Variants in GRM5 observed in about 807,000 individuals in gnomAD.
GRM5 encodes the protein metabotropic glutamate receptor 5.
GRM5 carries 19 observed loss-of-function variants against 83.1 expected under a neutral mutation model. The ratio of observed to expected loss-of-function variants is 0.23; its 90% CI spans 0.16 to 0.34. The LOEUF is 0.34. GRM5 is among the 10% of genes least tolerant of loss of function. The pLI is 1.00. For missense variants in GRM5, 1,160 were observed against 1,588.3 expected (o/e 0.73, Z 4.58); for synonymous variants, 675 against 633.6 (o/e 1.07, Z -0.98).
At chr11:88,808,965 C>T (rs747036660) in intron 3 of GRM5, among the ~76,000 whole-genome samples, 1 of 151,980 alleles carries the variant, frequency 6.6e-6, no homozygotes, top group Non-Finnish European at 1.5e-5. Flanking sequence ...CCTTGTATAT[C>T]CATGGGGAAG....
intron 2 of GRM5, among the ~76,000 whole-genome samples, chr11:89,015,016 T>C (rs1456111542): frequency 6.6e-6 from 1 of 152,154 alleles, no homozygotes; most frequent in Non-Finnish European, 1.5e-5. Flanking sequence ...AGCTTGCTGC[T>C]TACATAAATC....
intron 4 of GRM5, among the ~76,000 whole-genome samples, chr11:88,638,293 C>T (rs1464169132): frequency 2.6e-5 from 4 of 151,552 alleles, no homozygotes; most frequent in Non-Finnish European, 5.9e-5. Context: ...TACCCTAAAA[C>T]TTGAAGTATA....
intron 9 of GRM5, among the ~76,000 whole-genome samples, chr11:88,524,214 C>CTTTCTTTTT (rs1555060035): frequency 3.0e-5 from 3 of 101,410 alleles, no homozygotes; most frequent in African/African-American, 1.4e-4. Flanking sequence ...TTCTTTCTTT[C>CTTTCTTTTT]TTTTTTTTTT....
Position 88,509,149 on chromosome 11 carries a change from G to T in GRM5, c.3082C>A (p.Arg1028Ser), listed in dbSNP as rs760970912. ...TCCGTGCGGCTGGCCGAGCCCGCGC[G>T]GTGGCTCAGCGTGCTGATGGGCGAC... ...SPSPISTLSH[R>S]AGSASRTDDD... Residue 1028 changes from arginine (R) to serine (S), a missense_variant, in exon 10 of 10, where the codon CGC (arginine) becomes AGC (serine). Physicochemically the swap from Arg to Ser is moderately radical, Grantham distance 110. Coordinates refer to ENST00000305447, the MANE Select transcript of GRM5 (RefSeq NM_001143831.3). 2 of 1,539,728 alleles carry T rather than the reference G, an allele frequency of 1.3e-6. No individual in the cohort carries two copies. Among genetic ancestry groups the T allele is most frequent in the South Asian group, 1.2e-5 (1 of 83,590 alleles).
intron 8 of GRM5, among the ~76,000 whole-genome samples, chr11:88,540,798 T>C (rs1390623919): frequency 6.6e-6 from 1 of 152,156 alleles, no homozygotes; most frequent in Non-Finnish European, 1.5e-5. Flanking sequence ...TGGAGTGCAG[T>C]GGCGTGATCG....
intron 3 of GRM5, among the ~76,000 whole-genome samples, chr11:88,809,512 A>T (rs1300348662): frequency 6.6e-6 from 1 of 152,042 alleles, no homozygotes; most frequent in African/African-American, 2.4e-5. Context: ...CTTTGTAAAG[A>T]TTATTATTTT....
chr11:88,690,817 A>G (rs1212271938), intron 3 of GRM5, among the ~76,000 whole-genome samples: 6 of 152,216 alleles, frequency 3.9e-5, no homozygotes, highest in African/African-American at 1.4e-4. Flanking sequence ...TACAACCTGC[A>G]CTGAGAATTA....
chr11:88,723,090 C>CTT (rs1203223313), intron 3 of GRM5, among the ~76,000 whole-genome samples: 1 of 151,956 alleles, frequency 6.6e-6, no homozygotes, highest in African/African-American at 2.4e-5. Context: ...CATAGTTTTT[C>CTT]TTTATTCAGA....
chr11:88,585,570 G>C (rs11821651), intron 7 of GRM5, among the ~76,000 whole-genome samples: 14,054 of 151,936 alleles, frequency 0.092, 1,279 homozygotes, highest in African/African-American at 0.24. Context: ...CCTGTGTTCT[G>C]TGTCCACAAC....
intron 1 of GRM5, among the ~76,000 whole-genome samples, chr11:89,064,824 C>T (rs1942062075): frequency 6.8e-6 from 1 of 147,222 alleles, no homozygotes; most frequent in Admixed American, 6.8e-5. Flanking sequence ...ATATTCAGCT[C>T]CCTTCTCTTC....
At chr11:88,951,905 C>T (rs640174) in intron 2 of GRM5, among the ~76,000 whole-genome samples, 150,332 of 152,330 alleles carry the variant, frequency 0.99, 74,217 homozygotes, top group East Asian at 1. Context: ...TTCTCAAGCA[C>T]GGGTTTCATT....
At chr11:88,967,250 T>TATATATATATATACAC (rs1939009483) in intron 2 of GRM5, among the ~76,000 whole-genome samples, 1 of 2,092 alleles carries the variant, frequency 4.8e-4, no homozygotes, top group African/African-American at 1.7e-3. Flanking sequence ...TATATACACA[T>TATATATATATATACAC]ATATATATAT....
rs115297285 is a variant in GRM5, at chr11:88,735,433, G to A, written c.912-82030C>T. On this transcript the variant is annotated intron_variant, in intron 3 of 9. Coordinates refer to ENST00000305447, the MANE Select transcript of GRM5 (RefSeq NM_001143831.3). ...TGGTAAAACTTTGTTTGTCCCTGTT[G>A]CTATCATCTTTGCCAACTTTCTCTC... Among the ~76,000 whole-genome samples the A allele has an allele frequency of 1.5e-3, 235 of 152,134 alleles. 2 individuals are homozygous for A. Among genetic ancestry groups the A allele is most frequent in the African/African-American group, 5.3e-3 (220 of 41,538 alleles).
intron 4 of GRM5, among the ~76,000 whole-genome samples, chr11:88,628,872 T>G (rs1204704569): frequency 6.6e-6 from 1 of 152,188 alleles, no homozygotes; most frequent in Non-Finnish European, 1.5e-5. Flanking sequence ...ACACATGATT[T>G]TGCCATCTTT....
chr11:88,797,311 C>T (rs931307147), intron 3 of GRM5, among the ~76,000 whole-genome samples: 20 of 151,952 alleles, frequency 1.3e-4, no homozygotes, highest in Admixed American at 6.6e-4. Context: ...CACCACGCTC[C>T]GCTAATTTTT....
At chr11:88,921,561 C>T (rs1259766579) in intron 2 of GRM5, among the ~76,000 whole-genome samples, 3 of 151,896 alleles carry the variant, frequency 2.0e-5, no homozygotes, top group African/African-American at 7.3e-5. Context: ...ACCCGGGAGG[C>T]TGAGCTTGCA....
intron 3 of GRM5, among the ~76,000 whole-genome samples, chr11:88,685,097 A>C (rs1465254931): frequency 1.3e-5 from 2 of 152,178 alleles, no homozygotes; most frequent in Non-Finnish European, 2.9e-5. Flanking sequence ...ATATGTAGGA[A>C]AGTTTGGAAC....
chr11:88,536,609 T>C (rs1303629955), intron 8 of GRM5, among the ~76,000 whole-genome samples: 1 of 152,188 alleles, frequency 6.6e-6, no homozygotes, highest in Non-Finnish European at 1.5e-5. Context: ...TGTTCCCATG[T>C]TGGTTCCTTG....
intron 3 of GRM5, among the ~76,000 whole-genome samples, chr11:88,740,660 T>C (rs757304399): frequency 7.9e-5 from 12 of 151,998 alleles, no homozygotes; most frequent in Non-Finnish European, 1.3e-4. Flanking sequence ...GTCCATGCTG[T>C]TAACAAAAAT....
Sources: gnomAD v4.1 joint callset for allele counts (sites outside exome capture counted in the v4.1 genomes callset) on GRCh38, gnomAD v4.1.1 for gene constraint, MANE v1.5 for transcripts, NCBI Gene and HGNC (gene_info 2026-07-23, HGNC 2026-07-21) for gene names.